Variants in RPL31 observed in about 807,000 individuals in gnomAD.
RPL31 encodes the protein ribosomal protein L31, also known as large ribosomal subunit protein eL31.
For synonymous variants in RPL31, 51 were observed against 55.0 expected (o/e 0.93, Z 0.32); for missense variants, 95 against 164.0 (o/e 0.58, Z 2.30).
In RPL31 at chr2:101,004,275, A is replaced by G; in HGVS notation, c.225A>G (p.Lys75=). The G allele has an allele frequency of 6.2e-7, 1 of 1,614,090 alleles. No individual in the cohort carries two copies. The highest frequency in any genetic ancestry group is 8.5e-7 in the Non-Finnish European group (1 of 1,180,014). Reference sequence around the variant, plus strand: ...GGCTCAACAAAGCTGTCTGGGCCAAAGGAATAAGGTGCTAAAGTTATCTGT... The same window carrying G: ...GGCTCAACAAAGCTGTCTGGGCCAAGGGAATAAGGTGCTAAAGTTATCTGT... ...DTRLNKAVWA[K]GIRNVPYRIR... is the part of the protein sequence containing the mutation. The change falls in exon 3 of 5, where the codon AAA becomes AAG. Residue 75 remains lysine (K), a synonymous_variant. Coordinates refer to ENST00000264258, the MANE Select transcript of RPL31 (RefSeq NM_000993.5).
At chr2:101,010,507 A>G (rs1257641138), downstream of RPL31, among the ~76,000 whole-genome samples, 1 of 152,130 alleles carries the variant, frequency 6.6e-6, no homozygotes, top group African/African-American at 2.4e-5. Flanking sequence ...AGTATTTCCA[A>G]TTTAATCACT....
downstream of RPL31, among the ~76,000 whole-genome samples, chr2:101,009,196 A>T (rs1400689060): frequency 2.0e-5 from 3 of 151,904 alleles, no homozygotes; most frequent in Non-Finnish European, 2.9e-5. Context: ...GATTGAGACC[A>T]TCCTGGCTAA....
intron 4 of RPL31, among the ~76,000 whole-genome samples, chr2:101,016,205 G>A (rs1468812143): frequency 1.3e-5 from 2 of 152,092 alleles, no homozygotes; most frequent in African/African-American, 2.4e-5. Flanking sequence ...AGAATCTACA[G>A]TGAACTCAAA....
At chr2:101,009,821 C>CATTTTTTTT (rs144990163), downstream of RPL31, among the ~76,000 whole-genome samples, 2 of 134,192 alleles carry the variant, frequency 1.5e-5, no homozygotes, top group Non-Finnish European at 1.6e-5. Flanking sequence ...AAAAAAGGAG[C>CATTTTTTTT]TTTTTCTTTT....
At chr2:101,007,523 A>C (rs2105352520), downstream of RPL31, 1 of 365,940 alleles carries the variant, frequency 2.7e-6, no homozygotes, top group South Asian at 4.0e-5. Context: ...CATTGTGTTC[A>C]TCTGAGAGCA....
intron 4 of RPL31, among the ~76,000 whole-genome samples, chr2:101,015,435 T>C (rs1679554791): frequency 6.6e-6 from 1 of 152,230 alleles, no homozygotes; most frequent in Non-Finnish European, 1.5e-5. Context: ...TCATCTTCAA[T>C]AATAAATTAA....
chr2:101,013,030 G>A (rs757290182), intron 4 of RPL31, among the ~76,000 whole-genome samples: 4 of 152,304 alleles, frequency 2.6e-5, no homozygotes, highest in Non-Finnish European at 4.4e-5. Context: ...AGAACTTGGC[G>A]TACCACAAAG....
downstream of RPL31, chr2:101,007,526 TGA>T (rs1454857272): frequency 1.1e-5 from 4 of 375,328 alleles, no homozygotes; most frequent in Admixed American, 4.3e-5. Context: ...TGTGTTCATC[TGA>T]GAGCAAAATC....
intron 4 of RPL31, among the ~76,000 whole-genome samples, chr2:101,016,745 T>C (rs1346593430): frequency 6.6e-6 from 1 of 152,136 alleles, no homozygotes; most frequent in Non-Finnish European, 1.5e-5. Context: ...TATGCAGCCA[T>C]AAAAAATGAT....
In RPL31 at chr2:101,016,932, G is replaced by C. The variant is rs150015836; in HGVS notation, c.347-2066G>C. ...CACTCTGGGGACTGGTGTGGGGTTG[G>C]GGGGATGGGGGAGGGATAGCATTAG... On this transcript the variant is annotated intron_variant, in intron 4 of 4. Transcript: ENST00000409028. Among the ~76,000 whole-genome samples the C allele has an allele frequency of 3.1e-3, 467 of 152,160 alleles. 4 individuals are homozygous for C. Among genetic ancestry groups the C allele is most frequent in the African/African-American group, 0.011 (449 of 41,498 alleles).
chr2:101,013,284 C>G (rs1558618176), intron 4 of RPL31, among the ~76,000 whole-genome samples: 1 of 152,164 alleles, frequency 6.6e-6, no homozygotes, highest in Non-Finnish European at 1.5e-5. Flanking sequence ...TATTGATGAT[C>G]AGAAGGATAG....
intron 1 of RPL31, 112 bp from the exon 2 acceptor site, chr2:101,002,590 C>A: frequency 1.1e-6 from 1 of 892,942 alleles, no homozygotes; most frequent in Non-Finnish European, 1.8e-6. Flanking sequence ...TTAGCCTGGC[C>A]AGACTCTCAG....
intron 1 of RPL31, 125 bp from the exon 2 acceptor site, chr2:101,002,577 G>A (rs1678581583): frequency 7.6e-6 from 6 of 786,684 alleles, no homozygotes; most frequent in Non-Finnish European, 1.3e-5. Flanking sequence ...CTGGGTGACC[G>A]ACTTAGCCTG....
rs1334640187 is a variant in RPL31, at chr2:101,004,241, T to C, written c.191T>C (p.Ile64Thr). The C allele has an allele frequency of 1.2e-6, 2 of 1,614,074 alleles. No individual in the cohort carries two copies. The highest frequency in any genetic ancestry group is 1.3e-5 in the African/African-American group (1 of 74,936). The change falls in exon 3 of 5, where the codon ATT (isoleucine) becomes ACT (threonine). Residue 64 changes from isoleucine (I) to threonine (T), a missense_variant. By Grantham distance (89) the Ile-to-Thr change is moderately conservative. Coordinates refer to ENST00000264258, the MANE Select transcript of RPL31 (RefSeq NM_000993.5). ...GAGATGGGAACTCCAGATGTGCGCA[T>C]TGACACCAGGCTCAACAAAGCTGTC... The part of the protein sequence containing the change: ...MKEMGTPDVR[I>T]DTRLNKAVWA...
intron 4 of RPL31, among the ~76,000 whole-genome samples, chr2:101,016,914 G>C (rs1055929913): frequency 1.3e-5 from 2 of 151,954 alleles, no homozygotes; most frequent in African/African-American, 4.8e-5. Flanking sequence ...TCACACTCTG[G>C]GGACTGGTGT....
downstream of RPL31, chr2:101,008,252 T>C: frequency 1.3e-6 from 2 of 1,551,264 alleles, no homozygotes; most frequent in Non-Finnish European, 1.7e-6. Flanking sequence ...TACAGAGTTT[T>C]ACAGAACTGG....
At chr2:101,007,949 C>G (rs777616306), downstream of RPL31, 28 of 1,613,914 alleles carry the variant, frequency 1.7e-5, no homozygotes, top group Non-Finnish European at 2.3e-5. Context: ...AAAAAGTTGA[C>G]TAATGACTGT....
At chr2:101,011,676 G>A (rs945801399), downstream of RPL31, 72 of 759,460 alleles carry the variant, frequency 9.5e-5, no homozygotes, top group East Asian at 1.7e-3. Flanking sequence ...CAGGGTCCAC[G>A]AACCCAAATG....
intron 4 of RPL31, among the ~76,000 whole-genome samples, chr2:101,015,341 A>G (rs1233588019): frequency 6.6e-6 from 1 of 152,234 alleles, no homozygotes; most frequent in Non-Finnish European, 1.5e-5. Context: ...GCGAGTGAAT[A>G]TGAAGGCCTA....
Sources: allele counts gnomAD v4.1 joint callset (sites outside exome capture counted in the v4.1 genomes callset), GRCh38; gene constraint gnomAD v4.1.1; transcripts MANE v1.5; gene names NCBI Gene and HGNC (gene_info 2026-07-23, HGNC 2026-07-21).